Variants in MAML3 observed in about 807,000 individuals in gnomAD.
MAML3 encodes the protein mastermind-like protein 3.
A neutral mutation model predicts 101.9 loss-of-function variants in MAML3; 27 were observed. The ratio of observed to expected loss-of-function variants is 0.27; its 90% CI spans 0.20 to 0.37. MAML3 has a LOEUF of 0.37. Among genes scored for constraint, MAML3 ranks in the 10% least tolerant of loss-of-function variants. The pLI, the probability that MAML3 is intolerant of heterozygous loss-of-function variation, is 1.00. For synonymous variants in MAML3, 501 were observed against 555.9 expected (o/e 0.90, Z 1.39); for missense variants, 1,316 against 1,444.9 (o/e 0.91, Z 1.45).
rs561242381 is a variant in MAML3, at chr4:140,093,691, G to A, written c.468+59169C>T. On this transcript the variant is annotated intron_variant, in intron 1 of 4. Transcript: ENST00000509479. ...GATCCGCCCGTCTCGGCCGCCCAAA[G>A]TGCTGGGATTACAGGCGTGAGCCAC... Among the ~76,000 whole-genome samples the A allele has an allele frequency of 3.7e-4, 57 of 152,148 alleles. 1 individual carries two copies. Among genetic ancestry groups the A allele is most frequent in the Non-Finnish European group, 5.7e-4 (39 of 67,998 alleles).
chr4:140,102,800 C>T (rs181239246), intron 1 of MAML3, among the ~76,000 whole-genome samples: 40 of 152,244 alleles, frequency 2.6e-4, no homozygotes, highest in African/African-American at 9.4e-4. Context: ...ACTTCACCAT[C>T]CCATCACTGC....
intron 1 of MAML3, among the ~76,000 whole-genome samples, chr4:139,917,089 C>T (rs934571636): frequency 6.6e-6 from 1 of 152,102 alleles, no homozygotes; most frequent in Non-Finnish European, 1.5e-5. Flanking sequence ...GTGTCTTTTT[C>T]AGGAAAGAAG....
chr4:139,932,710 A>G (rs1437694272), intron 1 of MAML3, among the ~76,000 whole-genome samples: 3 of 152,216 alleles, frequency 2.0e-5, no homozygotes, highest in African/African-American at 4.8e-5. Flanking sequence ...TTTTGGGGAA[A>G]ATGTTACCAA....
intron 3 of MAML3, among the ~76,000 whole-genome samples, chr4:139,729,800 T>C (rs1221912703): frequency 6.6e-6 from 1 of 152,214 alleles, no homozygotes; most frequent in Non-Finnish European, 1.5e-5. Context: ...AAGGTAAAGC[T>C]GTATTTGTGT....
intron 2 of MAML3, among the ~76,000 whole-genome samples, chr4:139,775,513 T>C (rs1272852855): frequency 6.6e-6 from 1 of 152,094 alleles, no homozygotes; most frequent in Non-Finnish European, 1.5e-5. Flanking sequence ...TAGTTGCCAT[T>C]TCAAAGCTCT....
At chr4:140,129,835 T>C (rs1466105800) in intron 1 of MAML3, among the ~76,000 whole-genome samples, 1 of 151,840 alleles carries the variant, frequency 6.6e-6, no homozygotes, top group Non-Finnish European at 1.5e-5. Flanking sequence ...CATGGTGGCG[T>C]GCACCTGTAG....
intron 2 of MAML3, among the ~76,000 whole-genome samples, chr4:139,860,300 T>C (rs1437534768): frequency 6.6e-6 from 1 of 152,122 alleles, no homozygotes; most frequent in Non-Finnish European, 1.5e-5. Context: ...GATAGTCCCC[T>C]GGGTTCCCAG....
chr4:140,046,124 CTTCCTG>C (rs1277703587), intron 1 of MAML3, among the ~76,000 whole-genome samples: 1 of 152,202 alleles, frequency 6.6e-6, no homozygotes, highest in Admixed American at 6.5e-5. Flanking sequence ...AAGAGCTGTA[CTTCCTG>C]GCTCTTGTGT....
chr4:139,964,594 A>AT (rs1372170328), intron 1 of MAML3, among the ~76,000 whole-genome samples: 3 of 151,938 alleles, frequency 2.0e-5, no homozygotes, highest in African/African-American at 7.3e-5. Flanking sequence ...AAAAAACCAT[A>AT]TTTTTTACAA....
chr4:139,730,560 G>A lies in MAML3; in HGVS notation c.2187C>T (p.Phe729=), dbSNP rs1298209644. 1 of 1,592,196 alleles carries A rather than the reference G, an allele frequency of 6.3e-7. No individual in the cohort carries two copies. The highest frequency in any genetic ancestry group is 8.5e-7 in the Non-Finnish European group (1 of 1,169,890). ...TGGCTGCTTGGGGCTGGCTGCCCAG[G>A]AAGCCGGGGCCTGCGGGACTGGCTC... ...VSGASPAGPG[F]LGSQPQAAIM... is the part of the protein sequence containing the mutation. The change falls in exon 3 of 5, where the codon TTC becomes TTT. Residue 729 remains phenylalanine, a synonymous_variant. Coordinates refer to ENST00000509479, the MANE Select transcript of MAML3 (RefSeq NM_018717.5).
chr4:139,815,671 GTAC>G (rs1325554404), intron 2 of MAML3, among the ~76,000 whole-genome samples: 1 of 152,046 alleles, frequency 6.6e-6, no homozygotes, highest in African/African-American at 2.4e-5. Context: ...TTTTTTAAAG[GTAC>G]TACTACTACT....
chr4:139,806,529 T>C (rs965409883), intron 2 of MAML3, among the ~76,000 whole-genome samples: 27 of 152,190 alleles, frequency 1.8e-4, no homozygotes, highest in Admixed American at 1.7e-3. Flanking sequence ...GATAAGATCT[T>C]TCTGGAAACC....
chr4:140,119,605 C>CCCTCCCTT (rs1553977531), intron 1 of MAML3, among the ~76,000 whole-genome samples: 19 of 108,546 alleles, frequency 1.8e-4, no homozygotes, highest in Admixed American at 1.7e-3. Flanking sequence ...CTCCCTCCCT[C>CCCTCCCTT]CCTCCCTTCC....
chr4:140,128,281 A>G (rs573553915), intron 1 of MAML3, among the ~76,000 whole-genome samples: 1 of 152,292 alleles, frequency 6.6e-6, no homozygotes, highest in South Asian at 2.1e-4. Context: ...AAATACTCAT[A>G]GGTTTGAGAA....
At chr4:140,114,810 T>A (rs1460023355) in intron 1 of MAML3, among the ~76,000 whole-genome samples, 2 of 152,234 alleles carry the variant, frequency 1.3e-5, no homozygotes, top group East Asian at 3.8e-4. Context: ...GGAGTGTACC[T>A]TTAAAAGTTA....
chr4:140,143,803 T>TA (rs965404103), intron 1 of MAML3, among the ~76,000 whole-genome samples: 1 of 152,044 alleles, frequency 6.6e-6, no homozygotes, highest in Admixed American at 6.6e-5. Context: ...CAAGAAGAGA[T>TA]AACAATCATG....
intron 1 of MAML3, among the ~76,000 whole-genome samples, chr4:140,080,915 T>C (rs1388163757): frequency 1.3e-5 from 2 of 152,240 alleles, no homozygotes; most frequent in Non-Finnish European, 2.9e-5. Flanking sequence ...CAGGCGTCTA[T>C]ATAGAAAAAT....
chr4:140,023,155 G>A (rs1462219735), intron 1 of MAML3, among the ~76,000 whole-genome samples: 1 of 152,148 alleles, frequency 6.6e-6, no homozygotes, highest in Admixed American at 6.5e-5. Flanking sequence ...ACATCTTTGT[G>A]CAGAATGATA....
chr4:139,974,137 G>A (rs1214973036), intron 1 of MAML3, among the ~76,000 whole-genome samples: 3 of 139,942 alleles, frequency 2.1e-5, no homozygotes, highest in Non-Finnish European at 3.0e-5. Context: ...ACAGAGTCTC[G>A]CTCTATCACC....
Sources: allele counts gnomAD v4.1 joint callset (sites outside exome capture counted in the v4.1 genomes callset), GRCh38; gene constraint gnomAD v4.1.1; transcripts MANE v1.5; gene names NCBI Gene and HGNC (gene_info 2026-07-23, HGNC 2026-07-21).